Variants in GON4L observed in about 807,000 individuals in gnomAD.
GON4L encodes the protein gon-4 like.
Under a neutral mutation model 211.8 loss-of-function variants are expected in GON4L, and 87 were observed. The ratio of observed to expected loss-of-function variants is 0.41; its 90% CI spans 0.35 to 0.49. The LOEUF is 0.49. GON4L is among the 20% of genes least tolerant of loss of function. The pLI is 0.15. For missense variants in GON4L, 2,155 were observed against 2,659.5 expected, an observed-to-expected ratio of 0.81 and a Z score of 4.17; for synonymous variants, 875 against 962.6, an observed-to-expected ratio of 0.91 and a Z score of 1.68.
chr1:155,772,223 G>A (rs753641278), intron 18 of GON4L, among the ~76,000 whole-genome samples: 7 of 151,932 alleles, frequency 4.6e-5, no homozygotes, highest in Non-Finnish European at 7.4e-5. Context: ...ATTAATAAAC[G>A]TGAGATCATG....
At chr1:155,762,169 C>T (rs548953452) in intron 23 of GON4L, 21 bp downstream of exon 23, 3 of 1,580,962 alleles carry the variant, frequency 1.9e-6, no homozygotes, top group South Asian at 2.3e-5. Flanking sequence ...CTGGCAATAA[C>T]AGGAAGCAGC....
intron 14 of GON4L, among the ~76,000 whole-genome samples, chr1:155,780,313 C>T (rs1392215359): frequency 6.6e-6 from 1 of 151,582 alleles, no homozygotes; most frequent in Non-Finnish European, 1.5e-5. Flanking sequence ...AAGAAACAGT[C>T]GGGCGTGGTG....
At chr1:155,748,767 T>C (rs1660352074), downstream of GON4L, 4 of 1,613,954 alleles carry the variant, frequency 2.5e-6, no homozygotes, top group African/African-American at 1.3e-5. Flanking sequence ...GCTGAGGGTA[T>C]AGACAGAGCA....
downstream of GON4L, among the ~76,000 whole-genome samples, chr1:155,745,403 G>C (rs529102258): frequency 1.3e-5 from 2 of 152,360 alleles, no homozygotes; most frequent in Admixed American, 1.3e-4. Context: ...GGCATGGGAG[G>C]CTTTAGCGGA....
At chr1:155,760,333 T>A (rs1661661851) in intron 24 of GON4L, 111 bp downstream of exon 24, 6 of 661,874 alleles carry the variant, frequency 9.1e-6, no homozygotes, top group Middle Eastern at 4.3e-4. Flanking sequence ...AGGGGATGGC[T>A]GTGTGTCTGG....
At chr1:155,858,687 T>G (rs1223019544), upstream of GON4L, among the ~76,000 whole-genome samples, 1 of 148,694 alleles carries the variant, frequency 6.7e-6, no homozygotes, top group African/African-American at 2.5e-5. Flanking sequence ...TCCATCTGTT[T>G]TACGTGTACA....
At position 155,765,572 on chromosome 1, in the gene GON4L, C is replaced by T. The variant is rs1662366955; in HGVS notation, c.3901G>A (p.Ala1301Thr). ...ATGCCCTGAGGGAGCGGCTCCAGAG[C>T]TTGCCTCCCCTCCTCTGTTTTCACA... ...TVVKTEEGRQ[A>T]LEPLPQGIQE... The change falls in exon 21 of 32, where the codon GCT (alanine) becomes ACT (threonine). Residue 1301 changes from alanine (A) to threonine (T), a missense_variant. Coordinates refer to ENST00000368331, the MANE Select transcript of GON4L (RefSeq NM_001282860.2). 1.9e-6 allele frequency: 3 copies of T among 1,614,074 alleles called. No homozygotes were observed. The highest frequency in any genetic ancestry group is 2.7e-5 in the African/African-American group (2 of 74,916).
Position 155,765,343 on chromosome 1 carries a change from A to G in GON4L, c.4130T>C (p.Leu1377Ser), listed in dbSNP as rs761409871. The change falls in exon 21 of 32, where the codon TTA (leucine) becomes TCA (serine). Residue 1377 changes from leucine (L) to serine (S), a missense_variant. Physicochemically the swap from Leu to Ser is moderately radical, Grantham distance 145 (BLOSUM62 -2). Around this residue, in one of 6 missense-constraint regions of GON4L, gnomAD observed 615 missense variants for 625.7 expected, o/e 0.98. Transcript: ENST00000368331. ...SAGEVTKQTV[L>S]QKEEERSQPT... ...CTGACTCCTCTCCTCTTCCTTCTGT[A>G]AGACTGTCTGTTTCGTTACTTCTCC... is the stretch of plus-strand genomic sequence containing the variant. 3 of 1,614,112 alleles carry G rather than the reference A, an allele frequency of 1.9e-6. No individual in the cohort carries two copies. The highest frequency in any genetic ancestry group is 2.5e-6 in the Non-Finnish European group (3 of 1,180,000).
intron 12 of GON4L, among the ~76,000 whole-genome samples, chr1:155,794,426 C>T (rs767888790): frequency 6.6e-6 from 1 of 152,150 alleles, no homozygotes; most frequent in Non-Finnish European, 1.5e-5. Context: ...ACTACCTAAT[C>T]TTATCTACCA....
At chr1:155,854,478 G>A (rs936278465) in intron 1 of GON4L, among the ~76,000 whole-genome samples, 2 of 152,116 alleles carry the variant, frequency 1.3e-5, no homozygotes, top group Non-Finnish European at 2.9e-5. Flanking sequence ...TTACCATCAG[G>A]GTGGTAGACT....
At chr1:155,834,200 A>G (rs778355550) in intron 2 of GON4L, among the ~76,000 whole-genome samples, 18 of 152,230 alleles carry the variant, frequency 1.2e-4, no homozygotes, top group South Asian at 2.1e-4. Context: ...CAAGATCATC[A>G]ATCTTCAAAT....
chr1:155,790,073 G>A (rs1193453162), intron 12 of GON4L, among the ~76,000 whole-genome samples: 1 of 151,936 alleles, frequency 6.6e-6, no homozygotes, highest in East Asian at 1.9e-4. Context: ...AGAGTAGCTG[G>A]GACTACAAGC....
chr1:155,814,362 C>T lies in GON4L; in HGVS notation c.1249G>A (p.Glu417Lys), dbSNP rs1668048309. 6.2e-7 allele frequency: 1 copy of T among 1,613,408 alleles called. No individual in the cohort carries two copies. The highest frequency in any genetic ancestry group is 8.5e-7 in the Non-Finnish European group (1 of 1,179,482). ...AATATGCCACTCTCCTCATCTGTTTCAGTCATCTCAGAAGACTGCCTCAAT... is the reference window on the plus strand; with the variant it reads ...AATATGCCACTCTCCTCATCTGTTTTAGTCATCTCAGAAGACTGCCTCAAT... The part of the protein sequence containing the change: ...SRLRQSSEMT[E>K]TDEESGILSE... Residue 417 changes from glutamate (E) to lysine (K), a missense_variant, in exon 9 of 32, where the codon GAA becomes AAA. By Grantham distance (56) the Glu-to-Lys change is moderately conservative. Around this residue, in one of 6 missense-constraint regions of GON4L, gnomAD observed 551 missense variants for 854.0 expected, o/e 0.65. Transcript: ENST00000368331.
chr1:155,767,422 T>C lies in GON4L; in HGVS notation c.2763+3A>G, dbSNP rs768275059. ...CTACAGACTTCGAGGAAGAGGGCTG[T>C]ACCTTTAACCAGAATGGGAGCCGGT... is the stretch of plus-strand genomic sequence containing the variant. On this transcript the variant is annotated splice_donor_region_variant and intron_variant, in intron 20 of 31. Coordinates refer to ENST00000368331, the MANE Select transcript of GON4L (RefSeq NM_001282860.2). 6.2e-7 allele frequency: 1 copy of C among 1,613,808 alleles called. No individual in the cohort carries two copies.
downstream of GON4L, chr1:155,748,876 G>T: frequency 7.9e-6 from 10 of 1,269,964 alleles, no homozygotes; most frequent in Non-Finnish European, 1.1e-5. Context: ...TAATGATGTT[G>T]TTCCCTCCCC....
chr1:155,773,222 T>A lies in GON4L; in HGVS notation c.2351-12A>T, dbSNP rs1336357324. On this transcript the variant is annotated splice_polypyrimidine_tract_variant and intron_variant, in intron 17 of 31. Transcript: ENST00000368331. ...GGGAAATTCATTCGCTATAAGAAAA[T>A]AAATCTCGGATAAATCAACTTCTAG... 1.9e-6 allele frequency: 3 copies of A among 1,613,750 alleles called. No homozygotes were observed. The highest frequency in any genetic ancestry group is 2.5e-6 in the Non-Finnish European group (3 of 1,179,892).
In GON4L at chr1:155,752,178, C is replaced by T. The variant is rs1296740452; in HGVS notation, c.6255G>A (p.Val2085=). ...ERWLPSSRAR[V]KTRDRTCPVH... ...CAGGGCACGTCCTGTCTCTTGTCTTCACCCGAGCTCTGCTTGAGGGCAGCC... is the reference window on the plus strand; with the variant it reads ...CAGGGCACGTCCTGTCTCTTGTCTTTACCCGAGCTCTGCTTGAGGGCAGCC... The change falls in exon 30 of 32, where the codon GTG becomes GTA. Residue 2085 remains valine (V), a synonymous_variant. Transcript: ENST00000368331. The T allele has an allele frequency of 2.5e-6, 4 of 1,613,582 alleles. No individual in the cohort carries two copies. The African/African-American group carries it at 5.3e-5, about 22-fold the overall frequency.
chr1:155,816,237 G>T lies in GON4L; in HGVS notation c.1040C>A (p.Pro347Gln). The T allele has an allele frequency of 7.5e-7, 1 of 1,331,352 alleles. No homozygotes were observed. Among genetic ancestry groups the T allele is most frequent in the Non-Finnish European group, 1.1e-6 (1 of 924,456 alleles). 82.5% of individuals were successfully genotyped at this position (1,331,352 alleles called of 1,614,324 possible). The change falls in exon 7 of 32, where the codon CCA (proline) becomes CAA (glutamine). Residue 347 changes from proline (P) to glutamine (Q), a missense_variant. By Grantham distance (76) the Pro-to-Gln change is moderately conservative. This residue lies in a region of GON4L where 551 missense variants were observed against 854.0 expected (regional missense o/e 0.65). Coordinates refer to ENST00000368331, the MANE Select transcript of GON4L (RefSeq NM_001282860.2). ...CTTAATTTCATTGGCCTTCTTAATT[G>T]GTGAAATATTCCATGTTGGAATTAC... ...GVVIPTWNIS[P>Q]IKKANEIKPP...
chr1:155,820,456 C>T, intron 6 of GON4L, 150 bp downstream of exon 6: 1 of 677,440 alleles, frequency 1.5e-6, no homozygotes, highest in East Asian at 2.8e-5. Context: ...AGCTTATGAT[C>T]ATGTAGAAAC....
Sources: gnomAD v4.1 joint callset for allele counts (sites outside exome capture counted in the v4.1 genomes callset) on GRCh38, gnomAD v4.1.1 for gene constraint, gnomAD v4.1.1 regional missense constraint, MANE v1.5 for transcripts, NCBI Gene and HGNC (gene_info 2026-07-23, HGNC 2026-07-21) for gene names.